Variants in OXCT1 observed in about 807,000 individuals in gnomAD.
OXCT1 encodes 3-oxoacid CoA-transferase 1.
Under a neutral mutation model 69.6 loss-of-function variants are expected in OXCT1, and 27 were observed. That is an observed-to-expected ratio of 0.39 (90% confidence interval 0.29 to 0.54). The LOEUF (loss-of-function observed/expected upper bound fraction) is 0.54, where lower values mean the gene tolerates loss of function less well. Ranked by LOEUF, OXCT1 falls within the 20% of genes least tolerant of loss-of-function variation. The probability of loss-of-function intolerance (pLI) is 0.72; values close to 1 mark genes in which losing one functional copy is unlikely to be tolerated. For missense variants in OXCT1, 437 were observed against 650.2 expected (o/e 0.67, Z 3.57); for synonymous variants, 202 against 217.8 (o/e 0.93, Z 0.64).
rs1423203099 is a variant in OXCT1, at chr5:41,786,152, C to T, written c.1248+7851G>A. 2.2e-4 allele frequency among the ~76,000 whole-genome samples: 34 copies of T among 152,152 alleles called. 1 individual carries two copies. The highest frequency in any genetic ancestry group is 2.2e-3 in the Admixed American group (33 of 15,276). ...TGGACCGCAGGAAAGTCAGAAGCTG[C>T]TGGGGAAGCATCCAGCCATCACCCA... On this transcript the variant is annotated intron_variant, in intron 13 of 16. Coordinates refer to ENST00000196371, the MANE Select transcript of OXCT1 (RefSeq NM_000436.4).
In OXCT1 at chr5:41,805,563, A is replaced by C. The variant is rs1579774376; in HGVS notation, c.955+4T>G. ...TTGCCCGGGCTCAGAAGGATAAAGG[A>C]TACCATACATGCCATCCTCAAACTC... is the stretch of plus-strand genomic sequence containing the variant. On this transcript the variant is annotated splice_donor_region_variant and intron_variant, in intron 9 of 16. Transcript: ENST00000196371. 2.5e-6 allele frequency: 4 copies of C among 1,592,912 alleles called. No homozygotes were observed. Among genetic ancestry groups the C allele is most frequent in the Non-Finnish European group, 3.4e-6 (4 of 1,161,016 alleles).
intron 7 of OXCT1, among the ~76,000 whole-genome samples, chr5:41,820,357 A>G (rs1371880822): frequency 6.6e-6 from 1 of 152,182 alleles, no homozygotes; most frequent in African/African-American, 2.4e-5. Flanking sequence ...TGATTTCGCA[A>G]TACTTTCCAA....
chr5:41,785,477 C>T lies in OXCT1; in HGVS notation c.1248+8526G>A, dbSNP rs551680980. The stretch of plus-strand genomic sequence containing the variant: ...TCATTTTTAAAGATTACTTAAAAGA[C>T]AGTTGACTGTTTAGAGCAAAAATAA... On this transcript the variant is annotated intron_variant, in intron 13 of 16. Transcript: ENST00000196371. Among the ~76,000 whole-genome samples the T allele has an allele frequency of 1.8e-4, 27 of 152,246 alleles. No homozygotes were observed. The South Asian group carries it at 5.6e-3, about 32-fold the overall frequency.
chr5:41,794,765 C>T lies in OXCT1; in HGVS notation c.1100-16G>A. The T allele has an allele frequency of 1.2e-6, 2 of 1,610,944 alleles. No individual in the cohort carries two copies. Among genetic ancestry groups the T allele is most frequent in the African/African-American group, 1.3e-5 (1 of 75,004 alleles). ...GTTTCCTTGCCTAAACACACACACA[C>T]ACAAAAGAAAGAAAAGGCTATTAGA... is the stretch of plus-strand genomic sequence containing the variant. On this transcript the variant is annotated splice_polypyrimidine_tract_variant and intron_variant, in intron 11 of 16. Coordinates refer to ENST00000196371, the MANE Select transcript of OXCT1 (RefSeq NM_000436.4).
rs940847336 is a variant in OXCT1 at position 41,867,915 on chromosome 5, C to T, written c.78+2366G>A. On this transcript the variant is annotated intron_variant, in intron 1 of 16. Coordinates refer to ENST00000196371, the MANE Select transcript of OXCT1 (RefSeq NM_000436.4). The stretch of plus-strand genomic sequence containing the variant: ...AGTAATAATGAAGAAAAGAAGATAC[C>T]TCCCAATAGTCTATTTTCACCTAAG... Among the ~76,000 whole-genome samples, 27 of 152,130 alleles carry T rather than the reference C, an allele frequency of 1.8e-4. 1 individual carries two copies. The highest frequency in any genetic ancestry group is 1.3e-3 in the Admixed American group (20 of 15,268).
chr5:41,783,020 CA>C (rs1344950119), intron 13 of OXCT1, among the ~76,000 whole-genome samples: 1 of 152,100 alleles, frequency 6.6e-6, no homozygotes, highest in Non-Finnish European at 1.5e-5. Flanking sequence ...AACAGAATTG[CA>C]GTTTATGAAA....
At chr5:41,741,363 G>A (rs573723986) in intron 15 of OXCT1, among the ~76,000 whole-genome samples, 8 of 152,214 alleles carry the variant, frequency 5.3e-5, no homozygotes, top group African/African-American at 1.9e-4. Context: ...AAAGAACCCT[G>A]GCCTTTGAGC....
intron 7 of OXCT1, among the ~76,000 whole-genome samples, chr5:41,816,885 T>C (rs1747270884): frequency 1.3e-5 from 2 of 152,174 alleles, no homozygotes; most frequent in East Asian, 1.9e-4. Flanking sequence ...GCTAACCCCA[T>C]TTGTTTAGAG....
At chr5:41,805,749 A>G (rs1746649404) in intron 8 of OXCT1, 68 bp from the exon 9 acceptor site, 1 of 1,020,764 alleles carries the variant, frequency 9.8e-7, no homozygotes, top group Non-Finnish European at 1.6e-6. Flanking sequence ...CTGCTGAAAT[A>G]AATTTTACTG....
intron 7 of OXCT1, among the ~76,000 whole-genome samples, chr5:41,827,186 T>C (rs757687805): frequency 3.3e-5 from 5 of 152,164 alleles, no homozygotes; most frequent in Admixed American, 2.0e-4. Flanking sequence ...CAAATGCACT[T>C]AAAATCCAAG....
intron 7 of OXCT1, among the ~76,000 whole-genome samples, chr5:41,831,516 G>A (rs1462541953): frequency 6.6e-6 from 1 of 152,044 alleles, no homozygotes; most frequent in Non-Finnish European, 1.5e-5. Context: ...TATCAAGATA[G>A]ACCATCAGAA....
chr5:41,860,566 T>C (rs568395927), intron 3 of OXCT1, among the ~76,000 whole-genome samples: 29 of 152,290 alleles, frequency 1.9e-4, no homozygotes, highest in Admixed American at 1.0e-3. Context: ...CAGTTTTACT[T>C]CCCAAATAAC....
chr5:41,864,708 A>G (rs1749884482), intron 1 of OXCT1, among the ~76,000 whole-genome samples: 1 of 152,198 alleles, frequency 6.6e-6, no homozygotes, highest in Non-Finnish European at 1.5e-5. Flanking sequence ...ACCAGATCCA[A>G]GGTTTTATTT....
At chr5:41,823,042 C>CT (rs1277741499) in intron 7 of OXCT1, among the ~76,000 whole-genome samples, 3 of 152,138 alleles carry the variant, frequency 2.0e-5, no homozygotes, top group African/African-American at 7.2e-5. Context: ...TTTAATTAAT[C>CT]TTTTTCATAC....
chr5:41,832,428 T>G (rs555743869), intron 7 of OXCT1, among the ~76,000 whole-genome samples: 70 of 151,710 alleles, frequency 4.6e-4, no homozygotes, highest in Admixed American at 1.6e-3. Context: ...ACCCAGAAAA[T>G]TCTTCTGGAT....
chr5:41,787,373 C>A (rs1286483649), intron 13 of OXCT1, among the ~76,000 whole-genome samples: 1 of 152,084 alleles, frequency 6.6e-6, no homozygotes, highest in Admixed American at 6.6e-5. Flanking sequence ...GATAGGTCTA[C>A]AATTTCCCCC....
At chr5:41,810,983 T>G (rs1484191097) in intron 7 of OXCT1, among the ~76,000 whole-genome samples, 1 of 150,778 alleles carries the variant, frequency 6.6e-6, no homozygotes, top group Non-Finnish European at 1.5e-5. Context: ...TTCAAAAAAG[T>G]TTAGGAGGAA....
intron 11 of OXCT1, among the ~76,000 whole-genome samples, chr5:41,795,848 T>G (rs1306648027): frequency 6.6e-6 from 1 of 152,080 alleles, no homozygotes; most frequent in African/African-American, 2.4e-5. Flanking sequence ...TAAACAATTT[T>G]TATTGGTTAA....
chr5:41,795,998 G>A (rs1406000944), intron 11 of OXCT1, among the ~76,000 whole-genome samples: 1 of 151,796 alleles, frequency 6.6e-6, no homozygotes, highest in African/African-American at 2.4e-5. Flanking sequence ...TTCTTTTTCT[G>A]ACTCATCTGT....
Sources: gnomAD v4.1 joint callset for allele counts (sites outside exome capture counted in the v4.1 genomes callset) on GRCh38, gnomAD v4.1.1 for gene constraint, MANE v1.5 for transcripts, NCBI Gene and HGNC (gene_info 2026-07-23, HGNC 2026-07-21) for gene names.